The following RNF150 variants were observed in gnomAD, a reference collection of about 807,000 sequenced individuals.
The protein encoded by RNF150 is ring finger protein 150.
Under a neutral mutation model 39.3 loss-of-function variants are expected in RNF150, and 24 were observed. The ratio of observed to expected loss-of-function variants is 0.61; its 90% CI spans 0.44 to 0.86. The LOEUF is 0.86. Among genes scored for constraint, RNF150 ranks in the 40% least tolerant of loss-of-function variants. RNF150 has a pLI of 0.00. For synonymous variants in RNF150, 255 were observed against 227.3 expected (o/e 1.12, Z -1.10); for missense variants, 502 against 587.8 (o/e 0.85, Z 1.51).
At chr4:141,191,680 A>T (rs1333960529) in intron 1 of RNF150, among the ~76,000 whole-genome samples, 2 of 152,196 alleles carry the variant, frequency 1.3e-5, no homozygotes, top group African/African-American at 2.4e-5. Flanking sequence ...TACACACATA[A>T]ATATACTTTG....
At chr4:141,080,210 C>T (rs918562811) in intron 1 of RNF150, among the ~76,000 whole-genome samples, 2 of 152,248 alleles carry the variant, frequency 1.3e-5, no homozygotes, top group African/African-American at 4.8e-5. Flanking sequence ...ATCAATCTCT[C>T]CATAATCATT....
chr4:140,902,677 T>G (rs1287903758), intron 6 of RNF150, among the ~76,000 whole-genome samples: 1 of 152,248 alleles, frequency 6.6e-6, no homozygotes, highest in South Asian at 2.1e-4. Flanking sequence ...AAATTTACAC[T>G]GAAGTCTGTA....
intron 4 of RNF150, among the ~76,000 whole-genome samples, chr4:140,943,710 C>T (rs569465068): frequency 6.6e-6 from 1 of 152,312 alleles, no homozygotes; most frequent in South Asian, 2.1e-4. Context: ...GGACTTTCCA[C>T]TATTCCTGGC....
chr4:141,047,601 C>A (rs1398786453), intron 1 of RNF150, among the ~76,000 whole-genome samples: 1 of 152,036 alleles, frequency 6.6e-6, no homozygotes, highest in Admixed American at 6.5e-5. Flanking sequence ...TCCACAAACA[C>A]AAAAATCCTA....
At chr4:141,199,560 T>G (rs1728256500) in intron 1 of RNF150, among the ~76,000 whole-genome samples, 1 of 152,140 alleles carries the variant, frequency 6.6e-6, no homozygotes, top group African/African-American at 2.4e-5. Flanking sequence ...TGGATGACTC[T>G]CAAATGCATT....
At chr4:141,124,583 T>G (rs536494885) in intron 1 of RNF150, among the ~76,000 whole-genome samples, 1 of 152,200 alleles carries the variant, frequency 6.6e-6, no homozygotes, top group East Asian at 1.9e-4. Context: ...GGCTACAGAA[T>G]GGTCCAGATG....
At chr4:141,071,123 A>G (rs62327674) in intron 1 of RNF150, among the ~76,000 whole-genome samples, 26,913 of 130,594 alleles carry the variant, frequency 0.21, 787 homozygotes, top group Middle Eastern at 0.33. Flanking sequence ...TCAGTAAACT[A>G]TTGCAAGAAC....
At chr4:140,984,595 C>T (rs1733963635) in intron 1 of RNF150, among the ~76,000 whole-genome samples, 1 of 152,158 alleles carries the variant, frequency 6.6e-6, no homozygotes, top group African/African-American at 2.4e-5. Context: ...GTGTCTATAA[C>T]AGATGCTGTC....
chr4:140,905,227 T>C (rs1863300), intron 6 of RNF150, among the ~76,000 whole-genome samples: 100,617 of 151,678 alleles, frequency 0.66, 35,169 homozygotes, highest in Non-Finnish European at 0.78. Flanking sequence ...TATATATACA[T>C]ATATATTTTT....
chr4:141,026,087 G>A (rs993265249), intron 1 of RNF150, among the ~76,000 whole-genome samples: 2 of 152,112 alleles, frequency 1.3e-5, no homozygotes, highest in Non-Finnish European at 2.9e-5. Context: ...ATTGTCTGAC[G>A]TCTTGATCTT....
At chr4:140,958,048 T>A (rs909692882) in intron 2 of RNF150, among the ~76,000 whole-genome samples, 6 of 151,794 alleles carry the variant, frequency 4.0e-5, no homozygotes, top group South Asian at 2.1e-4. Context: ...TATAATAATT[T>A]AAAAAAATAA....
intron 1 of RNF150, among the ~76,000 whole-genome samples, chr4:140,968,792 G>T (rs1036574565): frequency 1.3e-5 from 2 of 151,400 alleles, no homozygotes; most frequent in African/African-American, 4.9e-5. Flanking sequence ...AGGAGTTCTG[G>T]GGCCCCTACA....
At chr4:141,179,147 G>A (rs1395204391) in intron 1 of RNF150, among the ~76,000 whole-genome samples, 2 of 152,068 alleles carry the variant, frequency 1.3e-5, no homozygotes, top group Non-Finnish European at 2.9e-5. Flanking sequence ...TCAACCACAT[G>A]CTCTAGCTGG....
intron 6 of RNF150, among the ~76,000 whole-genome samples, chr4:140,870,115 A>C (rs146732272): frequency 6.6e-6 from 1 of 152,358 alleles, no homozygotes; most frequent in East Asian, 1.9e-4. Flanking sequence ...GGAGACAAAT[A>C]AGAGAACAAA....
At chr4:140,882,176 C>A (rs1349870713) in intron 6 of RNF150, among the ~76,000 whole-genome samples, 7 of 152,140 alleles carry the variant, frequency 4.6e-5, no homozygotes, top group Admixed American at 4.6e-4. Flanking sequence ...CCCGCCACTA[C>A]GCCCGGCTAA....
intron 1 of RNF150, among the ~76,000 whole-genome samples, chr4:140,968,245 CCT>C (rs1733326970): frequency 6.6e-6 from 1 of 151,904 alleles, no homozygotes; most frequent in African/African-American, 2.4e-5. Context: ...CCATAGATCC[CCT>C]GAGGAAGGGA....
intron 1 of RNF150, among the ~76,000 whole-genome samples, chr4:141,172,996 A>C (rs1032679845): frequency 6.6e-6 from 1 of 152,204 alleles, no homozygotes; most frequent in African/African-American, 2.4e-5. Context: ...ATTGCACTTC[A>C]GCCTGGGCAA....
At chr4:141,158,643 A>G (rs1560763169) in intron 1 of RNF150, among the ~76,000 whole-genome samples, 1 of 152,186 alleles carries the variant, frequency 6.6e-6, no homozygotes, top group South Asian at 2.1e-4. Flanking sequence ...TTTCTGTGAC[A>G]TTTCTGCTCA....
chr4:140,940,296 T>G (rs774372507), intron 4 of RNF150, among the ~76,000 whole-genome samples: 4 of 152,194 alleles, frequency 2.6e-5, no homozygotes, highest in Non-Finnish European at 5.9e-5. Flanking sequence ...GCAATTTAAC[T>G]TTATAATCTT....
Sources: gnomAD v4.1 joint callset for allele counts (sites outside exome capture counted in the v4.1 genomes callset) on GRCh38, gnomAD v4.1.1 for gene constraint, MANE v1.5 for transcripts, NCBI Gene and HGNC (gene_info 2026-07-23, HGNC 2026-07-21) for gene names.